COQ5: variants seen among roughly 807,000 people sequenced by gnomAD.
COQ5 encodes the protein 2-methoxy-6-polyprenyl-1,4-benzoquinol methylase, mitochondrial.
COQ5 carries 27 observed loss-of-function variants against 40.5 expected under a neutral mutation model. That is an observed-to-expected ratio of 0.67 (90% CI 0.49 to 0.92). The LOEUF is 0.92. Among genes scored for constraint, COQ5 ranks in the 40% least tolerant of loss-of-function variants. The probability of loss-of-function intolerance (pLI) is 0.00; values close to 1 mark genes in which losing one functional copy is unlikely to be tolerated. For missense variants in COQ5, 409 were observed against 406.4 expected (o/e 1.01, Z -0.06); for synonymous variants, 141 against 150.0 (o/e 0.94, Z 0.44).
chr12:120,526,478 C>T (rs750962514), intron 1 of COQ5: 3 of 455,474 alleles, frequency 6.6e-6, no homozygotes, highest in South Asian at 4.7e-5. Flanking sequence ...AGAAATGGAG[C>T]TGTGACAAAA....
At chr12:120,514,505 A>C (rs755549) in intron 3 of COQ5, among the ~76,000 whole-genome samples, 80,292 of 151,632 alleles carry the variant, frequency 0.53, 24,491 homozygotes, top group East Asian at 0.77. Context: ...CTTTGGGAGG[A>C]ATGGGTGGAC....
chr12:120,522,612 AG>A, intron 1 of COQ5: 3 of 650,580 alleles, frequency 4.6e-6, no homozygotes, highest in Admixed American at 2.6e-5. Flanking sequence ...ATGGCAGTCC[AG>A]GGGGGTCACA....
At chr12:120,523,045 G>A (rs1028202155) in intron 1 of COQ5, 2 of 458,014 alleles carry the variant, frequency 4.4e-6, no homozygotes, top group Admixed American at 3.4e-5. Context: ...AAAAAAAAAA[G>A]AGATTCTTAT....
intron 3 of COQ5, among the ~76,000 whole-genome samples, chr12:120,515,875 CT>C (rs1448181980): frequency 1.3e-5 from 2 of 152,188 alleles, no homozygotes; most frequent in African/African-American, 4.8e-5. Flanking sequence ...GTGGAGGCTG[CT>C]AGCTAACTGC....
chr12:120,520,470 C>T (rs1026579980), intron 2 of COQ5, among the ~76,000 whole-genome samples: 8 of 151,970 alleles, frequency 5.3e-5, no homozygotes, highest in Non-Finnish European at 8.8e-5. Flanking sequence ...TGATTACAGG[C>T]GCATGCCACC....
In COQ5 at chr12:120,503,567, A is replaced by C. The variant is rs1414040707; in HGVS notation, c.*217T>G. ...GCAGTTGAGCAAAGATACAGACCAA[A>C]TGCCTCTGGGAGATGGACTGAAGCA... On this transcript the variant is annotated 3_prime_UTR_variant, in exon 7 of 7. Transcript: ENST00000288532. 1 of 664,696 alleles carries C rather than the reference A, an allele frequency of 1.5e-6. No homozygotes were observed. The highest frequency in any genetic ancestry group is 2.9e-5 in the East Asian group (1 of 34,100). 41.2% of individuals were successfully genotyped at this position (664,696 alleles called of 1,614,324 possible).
intron 1 of COQ5, chr12:120,522,587 C>A: frequency 1.6e-6 from 1 of 641,372 alleles, no homozygotes; most frequent in South Asian, 1.8e-5. Flanking sequence ...ACAGGAGGAC[C>A]CCAGCCCCAT....
rs151042202 is a variant in COQ5 at position 120,503,824 on chromosome 12, G to A, written c.944C>T (p.Thr315Ile). Reference protein sequence around the residue: ...GFHKVTYESLTSGIVAIHSGF... With the variant: ...GFHKVTYESLISGIVAIHSGF... ...AGAATGAATGGCCACAATGCCTGAT[G>A]TTAGACTTTCGTAAGTCACCTTGTG... The change falls in exon 7 of 7, where the codon ACA (threonine) becomes ATA (isoleucine). Residue 315 changes from threonine to isoleucine, a missense_variant. Coordinates refer to ENST00000288532, the MANE Select transcript of COQ5 (RefSeq NM_032314.4). The A allele has an allele frequency of 6.2e-7, 1 of 1,614,144 alleles. No homozygotes were observed. Among genetic ancestry groups the A allele is most frequent in the African/African-American group, 1.3e-5 (1 of 75,056 alleles).
chr12:120,508,324 C>G (rs886701109), intron 4 of COQ5, among the ~76,000 whole-genome samples: 2 of 151,560 alleles, frequency 1.3e-5, no homozygotes, highest in Admixed American at 1.3e-4. Context: ...TCTCAACTGG[C>G]TGCAGTGAGC....
chr12:120,510,763 A>G (rs1462312455), intron 3 of COQ5, among the ~76,000 whole-genome samples: 1 of 152,204 alleles, frequency 6.6e-6, no homozygotes, highest in East Asian at 1.9e-4. Context: ...TATTGGAATC[A>G]TAGAGCATCA....
At chr12:120,516,529 C>A in intron 3 of COQ5, 38 bp downstream of exon 3, 2 of 1,473,268 alleles carry the variant, frequency 1.4e-6, no homozygotes, top group Non-Finnish European at 1.9e-6. Flanking sequence ...TATAAAGATA[C>A]AAATACTTCC....
rs1816453406 is a variant in COQ5, at chr12:120,504,937, A to G, written c.728T>C (p.Leu243Pro). Residue 243 changes from leucine (L) to proline (P), a missense_variant, in exon 5 of 7, where the codon CTC (leucine) becomes CCC (proline). Physicochemically the swap from Leu to Pro is moderately conservative, Grantham distance 98. Transcript: ENST00000288532. ...HRVLKPGGRFLCLEFSQVNNP... is the reference protein window; with the variant it reads ...HRVLKPGGRFPCLEFSQVNNP... ...GTTCACTTGGCTAAATTCCAGACAGAGAAACCGTCCTCCTGGTTTCAGCAC... is the reference window on the plus strand; with the variant it reads ...GTTCACTTGGCTAAATTCCAGACAGGGAAACCGTCCTCCTGGTTTCAGCAC... The G allele has an allele frequency of 6.2e-7, 1 of 1,614,062 alleles. No homozygotes were observed. The highest frequency in any genetic ancestry group is 1.3e-5 in the African/African-American group (1 of 74,932).
intron 3 of COQ5, among the ~76,000 whole-genome samples, chr12:120,512,586 C>T (rs1869186078): frequency 6.6e-6 from 1 of 151,984 alleles, no homozygotes; most frequent in East Asian, 1.9e-4. Flanking sequence ...GGTGACAAAG[C>T]AGGACTCTGT....
In COQ5 at chr12:120,516,451, G is replaced by A. The variant is rs1361435145; in HGVS notation, c.574+116C>T. 10 of 873,380 alleles carry A rather than the reference G, an allele frequency of 1.1e-5. No individual in the cohort carries two copies. The East Asian group carries it at 1.9e-4, about 17-fold the overall frequency. The allele number at this position is 873,380 out of a possible 1,614,324, so 54.1% of individuals were successfully genotyped here. ...CAGCCATGCAAATCATCTTCAACCT[G>A]CCCATCTATAAGTTTCTGAAAGCCA... On this transcript the variant is annotated intron_variant, in intron 3 of 6. Transcript: ENST00000288532.
rs1258834497 is a variant in COQ5, at chr12:120,521,482, C to A, written c.352+732G>T. Among the ~76,000 whole-genome samples, 3 of 149,824 alleles carry A rather than the reference C, an allele frequency of 2.0e-5. No homozygotes were observed. In the East Asian group the frequency reaches 6.1e-4, roughly 31 times the overall value. ...CATGAGGTCAGGAGTTCAAGACCAG[C>A]CAGGCCAAGATGGTGGAACCCTGTC... On this transcript the variant is annotated intron_variant, in intron 2 of 6. Transcript: ENST00000288532.
intron 3 of COQ5, among the ~76,000 whole-genome samples, chr12:120,513,810 G>A (rs1869256425): frequency 6.6e-6 from 1 of 152,040 alleles, no homozygotes; most frequent in African/African-American, 2.4e-5. Context: ...ATAAGCTACT[G>A]CGCCCGACCA....
intron 1 of COQ5, chr12:120,522,815 G>C (rs971482191): frequency 7.4e-6 from 5 of 673,290 alleles, no homozygotes; most frequent in Admixed American, 2.3e-5. Flanking sequence ...AAGCCTGGGG[G>C]TGGGCAATGT....
At chr12:120,526,926 A>C (rs987159726) in intron 1 of COQ5, 2 of 155,864 alleles carry the variant, frequency 1.3e-5, no homozygotes, top group African/African-American at 4.8e-5. Flanking sequence ...CGTGTTAGCC[A>C]GGATGGTCTC....
At chr12:120,522,589 C>A in intron 1 of COQ5, 1 of 639,950 alleles carries the variant, frequency 1.6e-6, no homozygotes, top group Non-Finnish European at 2.8e-6. Context: ...AGGAGGACCC[C>A]AGCCCCATGC....
Sources: allele counts gnomAD v4.1 joint callset (sites outside exome capture counted in the v4.1 genomes callset), GRCh38; gene constraint gnomAD v4.1.1; transcripts MANE v1.5; gene names NCBI Gene and HGNC (gene_info 2026-07-23, HGNC 2026-07-21).